The following LRRC37A variants were observed in gnomAD, a reference collection of about 807,000 sequenced individuals.
LRRC37A encodes the protein leucine-rich repeat-containing protein 37A.
In LRRC37A, 3 loss-of-function variants were observed where a neutral mutation model predicts 35.4. The observed-to-expected ratio is 0.08, with a 90% CI of 0.04 to 0.22. The LOEUF (loss-of-function observed/expected upper bound fraction) is 0.22. Ranked by LOEUF, LRRC37A falls within the 10% of genes least tolerant of loss-of-function variation. The probability of loss-of-function intolerance (pLI) is 1.00; values close to 1 mark genes in which losing one functional copy is unlikely to be tolerated. For synonymous variants in LRRC37A, 23 were observed against 215.0 expected (o/e 0.11, Z 7.81); for missense variants, 67 against 565.3 (o/e 0.12, Z 8.94).
chr17:46,256,874 G>A, the LRRC37A span, among the ~76,000 whole-genome samples: 2 of 152,160 alleles, frequency 1.3e-5, no homozygotes, highest in African/African-American at 4.8e-5. Flanking sequence ...AAAGGGGATT[G>A]GAAGAAGTGG....
chr17:46,252,515 C>A, the LRRC37A span, among the ~76,000 whole-genome samples: 2 of 148,328 alleles, frequency 1.3e-5, no homozygotes, highest in African/African-American at 2.4e-5. Context: ...GGCAGAGGAC[C>A]CTGCGCCTTC....
chr17:46,261,735 T>TAA, the LRRC37A span, among the ~76,000 whole-genome samples: 6 of 86,398 alleles, frequency 6.9e-5, no homozygotes, highest in Admixed American at 1.1e-4. Flanking sequence ...TTTTAACCAC[T>TAA]AAAAAAAAAA....
chr17:46,280,415 T>C, the LRRC37A span, among the ~76,000 whole-genome samples: 1 of 152,202 alleles, frequency 6.6e-6, no homozygotes, highest in Non-Finnish European at 1.5e-5. Context: ...GGCTCACGGC[T>C]GTAATCCCAG....
At chr17:46,254,823 C>A in the LRRC37A span, among the ~76,000 whole-genome samples, 1 of 151,478 alleles carries the variant, frequency 6.6e-6, no homozygotes, top group African/African-American at 2.4e-5. Flanking sequence ...CAGACATAAG[C>A]CACCGCGCCT....
the LRRC37A span, among the ~76,000 whole-genome samples, chr17:46,278,963 A>G: frequency 1.3e-5 from 2 of 151,642 alleles, no homozygotes; most frequent in Admixed American, 6.6e-5. Flanking sequence ...ACGCCTAGCT[A>G]ATTTTTGTAT....
At position 46,331,494 on chromosome 17, in the gene LRRC37A, C is replaced by CTA. The variant is rs777525003; in HGVS notation, c.4218_4219dup (p.Asn1407IlefsTer29). On this transcript the variant is annotated frameshift_variant, in exon 9 of 14. Transcript: ENST00000320254. LOFTEE classifies it high-confidence loss of function. The stretch of plus-strand genomic sequence containing the variant: ...GAAGAAAATGATTTTATGGAAAACA[C>CTA]TAACATGCCAGAAGGAACCATCTCT... The CTA allele has an allele frequency of 6.2e-7, 1 of 1,603,080 alleles. No homozygotes were observed. Among genetic ancestry groups the CTA allele is most frequent in the African/African-American group, 1.4e-5 (1 of 71,822 alleles).
At chr17:46,262,271 T>A in the LRRC37A span, among the ~76,000 whole-genome samples, 246 of 152,358 alleles carry the variant, frequency 1.6e-3, 2 homozygotes, top group African/African-American at 5.7e-3. Flanking sequence ...TGACCTCAGG[T>A]GATCCACCTG....
chr17:46,303,852 CAG>C (rs1276370686), intron 3 of LRRC37A, among the ~76,000 whole-genome samples: 1 of 654 alleles, frequency 1.5e-3, no homozygotes, highest in African/African-American at 3.6e-3. Flanking sequence ...CTCACTCCCC[CAG>C]CTATTCATTT....
chr17:46,288,706 C>CTTTTTTTTTTTT (rs199591277), upstream of LRRC37A, among the ~76,000 whole-genome samples: 3 of 138,984 alleles, frequency 2.2e-5, no homozygotes, highest in Non-Finnish European at 4.7e-5. Context: ...CTTGTTTTTT[C>CTTTTTTTTTTTT]TTTTTTTTTT....
chr17:46,284,950 G>A, the LRRC37A span, among the ~76,000 whole-genome samples: 2 of 152,206 alleles, frequency 1.3e-5, no homozygotes, highest in African/African-American at 4.8e-5. Context: ...GCTCACTGTA[G>A]CCTCCTGTGC....
At chr17:46,289,102 A>G (rs541430454), upstream of LRRC37A, among the ~76,000 whole-genome samples, 1 of 152,354 alleles carries the variant, frequency 6.6e-6, no homozygotes, top group Admixed American at 6.5e-5. Flanking sequence ...AAAGCAAACT[A>G]TATTACCCTA....
the LRRC37A span, among the ~76,000 whole-genome samples, chr17:46,278,381 GTTCTGTTTTGTTTTA>G: frequency 8.7e-6 from 1 of 115,274 alleles, no homozygotes; most frequent in Admixed American, 9.3e-5. Flanking sequence ...GTTTTGTTTT[GTTCTGTTTTGTTTTA>G]TTTTGTTTTT....
At chr17:46,284,783 G>C in the LRRC37A span, among the ~76,000 whole-genome samples, 1 of 152,248 alleles carries the variant, frequency 6.6e-6, no homozygotes, top group African/African-American at 2.4e-5. Flanking sequence ...CACACATTGA[G>C]ACTACGATTC....
At chr17:46,317,153 G>A (rs1218051412) in intron 5 of LRRC37A, among the ~76,000 whole-genome samples, 17 of 88,998 alleles carry the variant, frequency 1.9e-4, no homozygotes, top group Admixed American at 2.3e-4. Context: ...GGTGGCGGCC[G>A]GGCAGAGGCG....
At position 46,306,045 on chromosome 17, in the gene LRRC37A, T is replaced by C. The variant is rs1261704518; in HGVS notation, c.2826-184T>C. 2.4e-5 allele frequency among the ~76,000 whole-genome samples: 2 copies of C among 81,890 alleles called. 1 individual carries two copies. Among genetic ancestry groups the C allele is most frequent in the Non-Finnish European group, 7.4e-5 (2 of 27,002 alleles). 53.7% of individuals were successfully genotyped at this position (81,890 alleles called of 152,430 possible). ...TACTGAACATTCACTGTTTTGTATC[T>C]AATGCACCACGTGTGCAGTGTTAAA... is the stretch of plus-strand genomic sequence containing the variant. On this transcript the variant is annotated intron_variant, in intron 4 of 13. Transcript: ENST00000320254.
chr17:46,286,802 C>G, the LRRC37A span, among the ~76,000 whole-genome samples: 3 of 152,278 alleles, frequency 2.0e-5, no homozygotes, highest in Non-Finnish European at 4.4e-5. Context: ...CTCACTGTGA[C>G]TGCAGGTGTT....
the LRRC37A span, among the ~76,000 whole-genome samples, chr17:46,270,550 T>C: frequency 1.3e-5 from 2 of 152,216 alleles, no homozygotes; most frequent in African/African-American, 4.8e-5. Context: ...CTAGTTTTCT[T>C]TAAGATAAAA....
the LRRC37A span, among the ~76,000 whole-genome samples, chr17:46,280,871 T>C: frequency 5.3e-5 from 8 of 152,240 alleles, no homozygotes; most frequent in Admixed American, 5.2e-4. Context: ...ATTTCGTGTC[T>C]GGCCAATAGC....
chr17:46,317,104 C>T (rs1404717072), intron 5 of LRRC37A, among the ~76,000 whole-genome samples: 2 of 86,160 alleles, frequency 2.3e-5, no homozygotes, highest in Non-Finnish European at 3.5e-5. Flanking sequence ...GTCATCATGG[C>T]CCGTTCTCAA....
Sources: gnomAD v4.1 joint callset for allele counts (sites outside exome capture counted in the v4.1 genomes callset) on GRCh38, gnomAD v4.1.1 for gene constraint, MANE v1.5 for transcripts, NCBI Gene and HGNC (gene_info 2026-07-23, HGNC 2026-07-21) for gene names.